NBPF26: variants seen among roughly 807,000 people sequenced by gnomAD.
NBPF26 encodes the protein NBPF member 26, also known as NBPF family member NBPF26.
In NBPF26, 79 loss-of-function variants were observed where a neutral mutation model predicts 119.6. The ratio of observed to expected loss-of-function variants is 0.66; its 90% confidence interval spans 0.55 to 0.80. The LOEUF is 0.80. NBPF26 is among the 30% of genes least tolerant of loss of function. The probability of loss-of-function intolerance (pLI) is 0.00; values close to 1 mark genes in which losing one functional copy is unlikely to be tolerated. For synonymous variants in NBPF26, 299 were observed against 457.7 expected, an observed-to-expected ratio of 0.65 and a Z score of 4.43; for missense variants, 800 against 1,198.2, an observed-to-expected ratio of 0.67 and a Z score of 4.91.
At position 120,728,839 on chromosome 1, in the gene NBPF26, C is replaced by A. The variant is rs1198618083; in HGVS notation, c.73+4589C>A. 7.5e-5 allele frequency among the ~76,000 whole-genome samples: 8 copies of A among 106,916 alleles called. 1 individual carries two copies. Among genetic ancestry groups the A allele is most frequent in the Non-Finnish European group, 1.4e-4 (8 of 57,880 alleles). The allele number at this position is 106,916 out of a possible 152,430, so 70.1% of individuals were successfully genotyped here. ...TTTTTTTTTTTTGAACCAAGAGAGT[C>A]CCCTGAACACCCTACTGACAAAAAC... On this transcript the variant is annotated intron_variant, in intron 1 of 29. Transcript: ENST00000620612.
intron 2 of NBPF26, among the ~76,000 whole-genome samples, chr1:120,783,987 A>G (rs1651394598): frequency 8.9e-6 from 1 of 111,752 alleles, no homozygotes; most frequent in South Asian, 2.7e-4. Context: ...AATAATTAGA[A>G]TTAAAGTTTT....
intron 2 of NBPF26, 139 bp downstream of exon 2, chr1:120,763,848 G>A: frequency 2.0e-6 from 1 of 489,372 alleles, no homozygotes; most frequent in East Asian, 3.2e-5. Context: ...TTGGGGGTGA[G>A]GATGGAAGGA....
At chr1:120,778,605 C>T (rs1229376310) in intron 2 of NBPF26, among the ~76,000 whole-genome samples, 2 of 16,256 alleles carry the variant, frequency 1.2e-4, no homozygotes, top group Non-Finnish European at 2.0e-4. Flanking sequence ...GCCAAATCCT[C>T]GTTTTAAAAA....
rs1404881772 is a variant in NBPF26, at chr1:120,764,062, C to A, written c.155+353C>A. Among the ~76,000 whole-genome samples, 3 of 111,410 alleles carry A rather than the reference C, an allele frequency of 2.7e-5. 1 individual carries two copies. Among genetic ancestry groups the A allele is most frequent in the Admixed American group, 2.6e-4 (3 of 11,334 alleles). 73.1% of individuals were successfully genotyped at this position (111,410 alleles called of 152,430 possible). ...AGGAGTTCAAGATCAGCCTGGCCAA[C>A]ATAGTGAAACCCTATCTCTACTAAA... is the stretch of plus-strand genomic sequence containing the variant. On this transcript the variant is annotated intron_variant, in intron 2 of 29. Transcript: ENST00000620612.
intron 1 of NBPF26, among the ~76,000 whole-genome samples, chr1:120,728,714 T>G (rs1366535887): frequency 8.5e-6 from 1 of 117,904 alleles, no homozygotes; most frequent in Non-Finnish European, 1.6e-5. Context: ...TAAGTTTATA[T>G]TTATTTTGAT....
In NBPF26 at chr1:120,811,142, G is replaced by A. The variant is rs1274365247; in HGVS notation, c.1564+584G>A. On this transcript the variant is annotated intron_variant, in intron 9 of 29. Transcript: ENST00000620612. ...GGGTGCCTGTAGTCCCAGCTACTCA[G>A]GAGGCTGAGGCAGGAGAATGGCATG... Among the ~76,000 whole-genome samples the A allele has an allele frequency of 5.6e-5, 6 of 107,064 alleles. 2 individuals are homozygous for A. Among genetic ancestry groups the A allele is most frequent in the African/African-American group, 3.4e-4 (6 of 17,660 alleles). 70.2% of individuals were successfully genotyped at this position (107,064 alleles called of 152,430 possible). A position where few individuals can be genotyped will look rare whatever the true frequency, so the allele number is the denominator to read the frequency against.
intron 2 of NBPF26, among the ~76,000 whole-genome samples, chr1:120,764,062 C>T (rs1404881772): frequency 1.8e-5 from 2 of 111,410 alleles, no homozygotes; most frequent in Admixed American, 1.8e-4. Context: ...GCCTGGCCAA[C>T]ATAGTGAAAC....
Position 120,730,532 on chromosome 1 carries a change from C to T in NBPF26, c.73+6282C>T, listed in dbSNP as rs1232754415. On this transcript the variant is annotated intron_variant, in intron 1 of 29. Transcript: ENST00000620612. ...AAAGGATATGCTCATAGGCTTGAGA[C>T]GGGACAAACTGCATCACTGGTAGTG... Among the ~76,000 whole-genome samples the T allele has an allele frequency of 3.4e-4, 34 of 99,904 alleles. 8 individuals carry two copies. Among genetic ancestry groups the T allele is most frequent in the African/African-American group, 2.3e-3 (33 of 14,448 alleles). 65.5% of individuals were successfully genotyped at this position (99,904 alleles called of 152,430 possible). A position where few individuals can be genotyped will look rare whatever the true frequency, so the allele number is the denominator to read the frequency against.
At chr1:120,793,073 A>C (rs1651511045) in intron 3 of NBPF26, 88 bp from the exon 4 acceptor site, 1 of 638,404 alleles carries the variant, frequency 1.6e-6, no homozygotes, top group Non-Finnish European at 2.6e-6. Context: ...TTCTCCACGC[A>C]AGAGCTCGCT....
At position 120,806,158 on chromosome 1, in the gene NBPF26, T is replaced by C. The variant is rs1425421113; in HGVS notation, c.961+393T>C. On this transcript the variant is annotated intron_variant, in intron 5 of 29. Coordinates refer to ENST00000620612, the Ensembl canonical transcript of NBPF26. ...AGTGAACTTTTATTCAGTTCAAGTT[T>C]CTGTTGAGGCCCAACAGGCAAAGCT... 2.6e-5 allele frequency among the ~76,000 whole-genome samples: 3 copies of C among 117,264 alleles called. 1 individual carries two copies. Among genetic ancestry groups the C allele is most frequent in the South Asian group, 5.2e-4 (2 of 3,824 alleles). 76.9% of individuals were successfully genotyped at this position (117,264 alleles called of 152,430 possible).
At position 120,728,915 on chromosome 1, in the gene NBPF26, G is replaced by A. The variant is rs1410047937; in HGVS notation, c.73+4665G>A. Among the ~76,000 whole-genome samples the A allele has an allele frequency of 2.7e-5, 3 of 109,864 alleles. 1 individual carries two copies. The highest frequency in any genetic ancestry group is 1.1e-4 in the African/African-American group (2 of 17,514). The allele number at this position is 109,864 out of a possible 152,430, so 72.1% of individuals were successfully genotyped here. A position where few individuals can be genotyped will look rare whatever the true frequency, so the allele number is the denominator to read the frequency against. On this transcript the variant is annotated intron_variant, in intron 1 of 29. Transcript: ENST00000620612. Reference sequence around the variant, plus strand: ...ACTTGAGAGAATCACATGGTGTTGAGTTGTCTCTGCCACATGATTTTGATC... The same window carrying A: ...ACTTGAGAGAATCACATGGTGTTGAATTGTCTCTGCCACATGATTTTGATC...
At chr1:120,728,000 G>A (rs1335457627) in intron 1 of NBPF26, among the ~76,000 whole-genome samples, 1 of 118,918 alleles carries the variant, frequency 8.4e-6, no homozygotes. Context: ...ATTTTCTGAT[G>A]TTCATTGTTC....
chr1:120,815,284 C>A (rs1357405108), intron 12 of NBPF26, among the ~76,000 whole-genome samples: 1 of 113,790 alleles, frequency 8.8e-6, no homozygotes, highest in Non-Finnish European at 1.6e-5. Flanking sequence ...CAAGAGGCAG[C>A]ATCTATCTAG....
Position 120,781,766 on chromosome 1 carries a change from G to T in NBPF26, c.156-3208G>T, listed in dbSNP as rs1651364128. Among the ~76,000 whole-genome samples, 3 of 115,530 alleles carry T rather than the reference G, an allele frequency of 2.6e-5. 1 individual carries two copies. Among genetic ancestry groups the T allele is most frequent in the Non-Finnish European group, 3.4e-5 (2 of 59,472 alleles). The allele number at this position is 115,530 out of a possible 152,430, so 75.8% of individuals were successfully genotyped here. A position where few individuals can be genotyped will look rare whatever the true frequency, so the allele number is the denominator to read the frequency against. ...TTTTAGTAGAGACAGGACTGTGTTA[G>T]CCAGGATGGTCTCGATCTCCTGACC... On this transcript the variant is annotated intron_variant, in intron 2 of 29. Transcript: ENST00000620612.
intron 22 of NBPF26, among the ~76,000 whole-genome samples, chr1:120,832,666 G>C (rs1652368419): frequency 8.2e-6 from 1 of 121,272 alleles, no homozygotes. Context: ...CGATCTACTA[G>C]AATAGGGACA....
At chr1:120,805,082 A>G (rs1353285509) in intron 4 of NBPF26, among the ~76,000 whole-genome samples, 1 of 123,238 alleles carries the variant, frequency 8.1e-6, no homozygotes, top group Non-Finnish European at 1.6e-5. Context: ...ACAGTGAGGA[A>G]TATGCTTAGA....
intron 3 of NBPF26, among the ~76,000 whole-genome samples, chr1:120,789,979 T>G (rs1478268021): frequency 1.1e-5 from 1 of 88,368 alleles, no homozygotes; most frequent in Non-Finnish European, 2.0e-5. Context: ...GAAGGATCTC[T>G]TCTTGGTGTG....
At chr1:120,794,372 G>A (rs1326749795) in intron 4 of NBPF26, among the ~76,000 whole-genome samples, 9 of 112,260 alleles carry the variant, frequency 8.0e-5, no homozygotes, top group Non-Finnish European at 1.5e-4. Flanking sequence ...AATACAAGCA[G>A]CTGAAGCAGA....
At chr1:120,840,374 G>T in exon 30 of NBPF26, 3 of 1,460,262 alleles carry the variant, frequency 2.1e-6, no homozygotes, top group Non-Finnish European at 2.8e-6. Context: ...TGATGGAAGT[G>T]GAAGAGCCTG....
Sources: gnomAD v4.1 joint callset for allele counts (sites outside exome capture counted in the v4.1 genomes callset) on GRCh38, gnomAD v4.1.1 for gene constraint, MANE v1.5 for transcripts, NCBI Gene and HGNC (gene_info 2026-07-23, HGNC 2026-07-21) for gene names.